ABHD6: variants seen among roughly 807,000 people sequenced by gnomAD.
The protein encoded by ABHD6 is monoacylglycerol lipase ABHD6.
ABHD6 carries 33 observed loss-of-function variants against 38.8 expected under a neutral mutation model. That is an observed-to-expected ratio of 0.85 (90% CI 0.64 to 1.14). The LOEUF (loss-of-function observed/expected upper bound fraction) is 1.14. Ranked by LOEUF, ABHD6 falls within the 50% of genes most tolerant of loss-of-function variation. The pLI is 0.00. For missense variants in ABHD6, 380 were observed against 422.6 expected (o/e 0.90, Z 0.88); for synonymous variants, 147 against 161.6 (o/e 0.91, Z 0.69).
rs560929961 is a variant in ABHD6 at position 58,263,225 on chromosome 3, TAAACAA to T, written c.120-3954_120-3949del. Among the ~76,000 whole-genome samples, 380 of 147,170 alleles carry T rather than the reference TAAACAA, an allele frequency of 2.6e-3. No homozygotes were observed. Among genetic ancestry groups the T allele is most frequent in the Non-Finnish European group, 4.5e-3 (304 of 66,862 alleles). ...TCCATCTAAAAAATAAAAATAAAAA[TAAACAA>T]AAACAAAAATTAGCCGAGCGTGGTG... On this transcript the variant is annotated intron_variant, in intron 3 of 9. Coordinates refer to ENST00000478253, the MANE Select transcript of ABHD6 (RefSeq NM_001320126.2). The surrounding 1 kb of genome is among the most constrained non-coding windows in gnomAD (Gnocchi z 4.9).
intron 9 of ABHD6, among the ~76,000 whole-genome samples, chr3:58,286,334 T>G (rs2097456976): frequency 6.6e-6 from 1 of 151,926 alleles, no homozygotes; most frequent in Admixed American, 6.6e-5. Flanking sequence ...TGTATTTTTT[T>G]TAGTAGAGAC....
chr3:58,241,051 T>TTTG (rs1482703530), intron 1 of ABHD6, among the ~76,000 whole-genome samples: 1 of 151,940 alleles, frequency 6.6e-6, no homozygotes, highest in East Asian at 1.9e-4. Context: ...ATTTTGAAAT[T>TTTG]TTGTTGTTGT....
In ABHD6 at chr3:58,283,057, C is replaced by A. The variant is rs1165109526; in HGVS notation, c.682-2028C>A. Reference sequence around the variant, plus strand: ...TCTCCCTCTGTTGTAGGAGCTGGACCCTGCCTGGAGGTGGGCAGGTCCTCC... The same window carrying A: ...TCTCCCTCTGTTGTAGGAGCTGGACACTGCCTGGAGGTGGGCAGGTCCTCC... On this transcript the variant is annotated intron_variant, in intron 7 of 9. Coordinates refer to ENST00000478253, the MANE Select transcript of ABHD6 (RefSeq NM_001320126.2). Among the ~76,000 whole-genome samples the A allele has an allele frequency of 2.0e-5, 3 of 152,250 alleles. No homozygotes were observed. The East Asian group carries it at 5.8e-4, about 29-fold the overall frequency.
In ABHD6 at chr3:58,257,372, GT is replaced by G. The variant is rs373869488; in HGVS notation, c.119+677del. On this transcript the variant is annotated intron_variant, in intron 3 of 9. Transcript: ENST00000478253. The surrounding 1 kb of genome is among the most constrained non-coding windows in gnomAD (Gnocchi z 4.8). The stretch of plus-strand genomic sequence containing the variant: ...GGTTGGTTTTTTGGGTTTTTGTTTG[GT>G]TTTTTTTTTGAAACAGTCTCCCTCT... Among the ~76,000 whole-genome samples the G allele has an allele frequency of 6.5e-4, 54 of 82,882 alleles. 1 individual carries two copies. In the East Asian group the frequency reaches 0.019, roughly 28 times the overall value. The allele number at this position is 82,882 out of a possible 152,430, so 54.4% of individuals were successfully genotyped here.
intron 1 of ABHD6, among the ~76,000 whole-genome samples, chr3:58,246,395 G>T (rs566608593): frequency 6.6e-6 from 1 of 152,312 alleles, no homozygotes; most frequent in East Asian, 1.9e-4. Context: ...TGTACCACAG[G>T]ATACACAACC....
intron 2 of ABHD6, among the ~76,000 whole-genome samples, chr3:58,252,841 A>AG (rs901266332): frequency 1.3e-5 from 2 of 152,322 alleles, no homozygotes; most frequent in Non-Finnish European, 1.5e-5. Flanking sequence ...CCAGCATGGC[A>AG]GGGGAGCTGT....
At chr3:58,253,512 A>C (rs900710776) in intron 2 of ABHD6, among the ~76,000 whole-genome samples, 2 of 152,070 alleles carry the variant, frequency 1.3e-5, no homozygotes, top group African/African-American at 4.8e-5. Context: ...TAAATAGGTG[A>C]CTCCTTCAGG....
At position 58,238,253 on chromosome 3, in the gene ABHD6, C is replaced by T. The variant is rs1383492837; in HGVS notation, c.-91+337C>T. The T allele has an allele frequency of 6.5e-6, 1 of 152,680 alleles. No homozygotes were observed. Among genetic ancestry groups the T allele is most frequent in the East Asian group, 1.9e-4 (1 of 5,198 alleles). The allele number at this position is 152,680 out of a possible 1,614,324, so 9.5% of individuals were successfully genotyped here. Reference sequence around the variant, plus strand: ...CGCCCGCAGCAGCCCTTAGGCGCCCCTCGCAGTGCCGAGAGGATTTTGGGG... The same window carrying T: ...CGCCCGCAGCAGCCCTTAGGCGCCCTTCGCAGTGCCGAGAGGATTTTGGGG... On this transcript the variant is annotated intron_variant, in intron 1 of 9. Coordinates refer to ENST00000478253, the MANE Select transcript of ABHD6 (RefSeq NM_001320126.2). The surrounding 1 kb of genome is among the most constrained non-coding windows in gnomAD (Gnocchi z 6.9).
chr3:58,242,339 T>C (rs1342651907), intron 1 of ABHD6, among the ~76,000 whole-genome samples: 1 of 152,198 alleles, frequency 6.6e-6, no homozygotes, highest in Non-Finnish European at 1.5e-5. Flanking sequence ...CTGTGTGACA[T>C]TGAGCAGCTT....
intron 1 of ABHD6, among the ~76,000 whole-genome samples, chr3:58,242,721 TTG>T (rs950390634): frequency 1.0e-3 from 154 of 152,322 alleles, no homozygotes; most frequent in African/African-American, 3.3e-3. Context: ...GTTCTTTTTA[TTG>T]TTATTATTAT....
chr3:58,247,329 C>A (rs1283609077), intron 1 of ABHD6, among the ~76,000 whole-genome samples: 1 of 151,666 alleles, frequency 6.6e-6, no homozygotes, highest in Non-Finnish European at 1.5e-5. Flanking sequence ...GAGTCCGGGA[C>A]TGGCCAGTAG....
At chr3:58,281,709 C>A (rs1044596836) in intron 7 of ABHD6, among the ~76,000 whole-genome samples, 1 of 152,236 alleles carries the variant, frequency 6.6e-6, no homozygotes, top group Non-Finnish European at 1.5e-5. Flanking sequence ...CGGAGCTGTT[C>A]CTATTCGGCC....
Position 58,293,486 on chromosome 3 carries a change from C to T in ABHD6, c.838-103C>T. ...GGTCCTAAAATTCACATCCTCCTGC[C>T]CCACTGACCCCTGCCAGGCCTTGGT... is the stretch of plus-strand genomic sequence containing the variant. On this transcript the variant is annotated intron_variant, in intron 9 of 9. Transcript: ENST00000478253. This position sits in a 1 kb window ranked among gnomAD's most constrained non-coding sequence, Gnocchi z 4.4. 1 of 1,261,014 alleles carries T rather than the reference C, an allele frequency of 7.9e-7. No homozygotes were observed. The highest frequency in any genetic ancestry group is 2.4e-5 in the Admixed American group (1 of 42,532). The allele number at this position is 1,261,014 out of a possible 1,614,324, so 78.1% of individuals were successfully genotyped here.
chr3:58,264,430 C>T lies in ABHD6; in HGVS notation c.120-2759C>T, dbSNP rs901314183. On this transcript the variant is annotated intron_variant, in intron 3 of 9. Transcript: ENST00000478253. ...ACACACACACACACACACACACACA[C>T]ACACACACACACACATATGCCAGGT... Among the ~76,000 whole-genome samples the T allele has an allele frequency of 2.2e-4, 22 of 99,604 alleles. 1 individual carries two copies. Among genetic ancestry groups the T allele is most frequent in the African/African-American group, 1.2e-3 (19 of 15,312 alleles). The allele number at this position is 99,604 out of a possible 152,430, so 65.3% of individuals were successfully genotyped here. A position where few individuals can be genotyped will look rare whatever the true frequency, so the allele number is the denominator to read the frequency against.
intron 2 of ABHD6, among the ~76,000 whole-genome samples, chr3:58,255,457 T>C (rs866421059): frequency 6.9e-6 from 1 of 144,270 alleles, no homozygotes; most frequent in Non-Finnish European, 1.5e-5. Context: ...TCTTTAAAAG[T>C]CTGTCTTTTT....
intron 9 of ABHD6, among the ~76,000 whole-genome samples, chr3:58,291,618 C>G (rs1390560479): frequency 6.6e-6 from 1 of 152,118 alleles, no homozygotes; most frequent in African/African-American, 2.4e-5. Flanking sequence ...TGAAATGGTT[C>G]CCACAGATGT....
At chr3:58,253,472 C>T (rs2097431325) in intron 2 of ABHD6, among the ~76,000 whole-genome samples, 1 of 152,178 alleles carries the variant, frequency 6.6e-6, no homozygotes. Flanking sequence ...GAAGGTGATG[C>T]CTTTTAGCAG....
In ABHD6 at chr3:58,273,152, A is replaced by G. The variant is rs2097446246; in HGVS notation, c.524-1506A>G. On this transcript the variant is annotated intron_variant, in intron 6 of 9. Transcript: ENST00000478253. This position sits in a 1 kb window ranked among gnomAD's most constrained non-coding sequence, Gnocchi z 4.8. The stretch of plus-strand genomic sequence containing the variant: ...CTTCATGGCATCGTGAAAGCCATAC[A>G]TCATACCCATGTTAGATTTAAAGGG... Among the ~76,000 whole-genome samples the G allele has an allele frequency of 6.6e-6, 1 of 152,216 alleles. No homozygotes were observed. Among genetic ancestry groups the G allele is most frequent in the South Asian group, 2.1e-4 (1 of 4,832 alleles).
chr3:58,258,619 C>T (rs930410425), intron 3 of ABHD6: 2 of 232,336 alleles, frequency 8.6e-6, no homozygotes, highest in Non-Finnish European at 1.8e-5. Context: ...CCTCTCTGTG[C>T]TATAGGTAAG....
Sources: allele counts gnomAD v4.1 joint callset (sites outside exome capture counted in the v4.1 genomes callset), GRCh38; gene constraint gnomAD v4.1.1; non-coding constraint Gnocchi (gnomAD v3.1); transcripts MANE v1.5; gene names NCBI Gene and HGNC (gene_info 2026-07-23, HGNC 2026-07-21).